The following CNNM2 variants were observed in gnomAD, a reference collection of about 807,000 sequenced individuals.
CNNM2 encodes metal transporter CNNM2.
In CNNM2, 12 loss-of-function variants were observed where a neutral mutation model predicts 66.9. The observed-to-expected ratio is 0.18, with a 90% confidence interval of 0.11 to 0.29. The LOEUF is 0.29. Ranked by LOEUF, CNNM2 falls within the 10% of genes least tolerant of loss-of-function variation. The pLI is 1.00. For synonymous variants in CNNM2, 557 were observed against 501.8 expected, an observed-to-expected ratio of 1.11 and a Z score of -1.47; for missense variants, 705 against 1,167.7, an observed-to-expected ratio of 0.60 and a Z score of 5.77.
chr10:102,999,898 A>G (rs1456373580), intron 1 of CNNM2, among the ~76,000 whole-genome samples: 1 of 152,168 alleles, frequency 6.6e-6, no homozygotes, highest in Middle Eastern at 3.2e-3. Flanking sequence ...AGTGTTGGCA[A>G]AGATGTGGGG....
In CNNM2 at chr10:102,960,783, CT is replaced by C. The variant is rs1183182236; in HGVS notation, c.1621+40703del. 0.2 allele frequency among the ~76,000 whole-genome samples: 19,494 copies of C among 97,832 alleles called. 1,271 individuals carry two copies. Among genetic ancestry groups the C allele is most frequent in the East Asian group, 0.26 (873 of 3,302 alleles). 64.2% of individuals were successfully genotyped at this position (97,832 alleles called of 152,430 possible). A position where few individuals can be genotyped will look rare whatever the true frequency, so the allele number is the denominator to read the frequency against. On this transcript the variant is annotated intron_variant, in intron 1 of 7. Coordinates refer to ENST00000369878, the MANE Select transcript of CNNM2 (RefSeq NM_017649.5). The stretch of plus-strand genomic sequence containing the variant: ...TGTAGGTATGTGCCACCATACCTGG[CT>C]TTTTTTTTTTTTTTTTTTTTGAGAT...
chr10:103,071,444 C>T (rs1300791898), intron 5 of CNNM2, among the ~76,000 whole-genome samples: 1 of 152,146 alleles, frequency 6.6e-6, no homozygotes, highest in African/African-American at 2.4e-5. Context: ...TAATCGAGCT[C>T]CCCTTTTGCG....
At chr10:103,013,138 A>G (rs1166302707) in intron 1 of CNNM2, among the ~76,000 whole-genome samples, 1 of 152,142 alleles carries the variant, frequency 6.6e-6, no homozygotes, top group East Asian at 1.9e-4. Context: ...AATCTTTGAT[A>G]TTTAATATTT....
chr10:102,927,154 C>T, intron 1 of CNNM2, among the ~76,000 whole-genome samples: 1 of 152,076 alleles, frequency 6.6e-6, no homozygotes, highest in Non-Finnish European at 1.5e-5. Context: ...ATATATTTTT[C>T]AAATGAGCCC....
chr10:102,918,530 A>G lies in CNNM2; in HGVS notation c.50A>G (p.Gln17Arg). 1.2e-6 allele frequency: 2 copies of G among 1,603,954 alleles called. No individual in the cohort carries two copies. Among genetic ancestry groups the G allele is most frequent in the Non-Finnish European group, 8.5e-7 (1 of 1,177,326 alleles). ...CCCAAAGTAAAGATGGCGGGCGGGCAGGCAGCCGCCGCACTGCCCACTTGG... is the reference window on the plus strand; with the variant it reads ...CCCAAAGTAAAGATGGCGGGCGGGCGGGCAGCCGCCGCACTGCCCACTTGG... ...CEPKVKMAGGQAAAALPTWKM... is the reference protein window; with the variant it reads ...CEPKVKMAGGRAAAALPTWKM... Residue 17 changes from glutamine (Q) to arginine (R), a missense_variant, in exon 1 of 8, where the codon CAG (glutamine) becomes CGG (arginine). Gln to Arg is a conservative substitution (Grantham distance 43, BLOSUM62 1). Around this residue, in one of 9 missense-constraint regions of CNNM2, gnomAD observed 98 missense variants for 73.6 expected, o/e 1.33. Coordinates refer to ENST00000369878, the MANE Select transcript of CNNM2 (RefSeq NM_017649.5). This position sits in a 1 kb window ranked among gnomAD's most constrained non-coding sequence, Gnocchi z 4.1.
At chr10:103,036,860 A>C (rs962104966) in intron 1 of CNNM2, among the ~76,000 whole-genome samples, 1 of 152,228 alleles carries the variant, frequency 6.6e-6, no homozygotes, top group Non-Finnish European at 1.5e-5. Context: ...TTTACCAAGG[A>C]AACTATTAAA....
At chr10:103,043,678 T>C (rs567045306) in intron 1 of CNNM2, among the ~76,000 whole-genome samples, 1 of 152,344 alleles carries the variant, frequency 6.6e-6, no homozygotes, top group South Asian at 2.1e-4. Flanking sequence ...CTACCTTGTA[T>C]AGATGATTTT....
At chr10:102,998,721 T>C (rs1218651331) in intron 1 of CNNM2, among the ~76,000 whole-genome samples, 1 of 152,114 alleles carries the variant, frequency 6.6e-6, no homozygotes, top group Non-Finnish European at 1.5e-5. Context: ...CTCACGCCTG[T>C]AATCCCAGCT....
chr10:102,971,498 A>G (rs996678352), intron 1 of CNNM2, among the ~76,000 whole-genome samples: 1 of 152,180 alleles, frequency 6.6e-6, no homozygotes, highest in South Asian at 2.1e-4. Context: ...TGTCGCCATT[A>G]TTAGGAATTT....
intron 1 of CNNM2, among the ~76,000 whole-genome samples, chr10:102,994,226 C>T (rs372542559): frequency 3.8e-4 from 58 of 152,298 alleles, no homozygotes; most frequent in African/African-American, 1.2e-3. Flanking sequence ...CGTGAGCTAC[C>T]GCACCCGGCT....
At chr10:102,962,222 T>G (rs2063393649) in intron 1 of CNNM2, among the ~76,000 whole-genome samples, 1 of 152,148 alleles carries the variant, frequency 6.6e-6, no homozygotes, top group Non-Finnish European at 1.5e-5. Context: ...CATGCGGGGC[T>G]TAATATCTAA....
Position 103,023,848 on chromosome 10 carries a change from C to A in CNNM2, c.1622-25859C>A, listed in dbSNP as rs78064113. On this transcript the variant is annotated intron_variant, in intron 1 of 7. Coordinates refer to ENST00000369878, the MANE Select transcript of CNNM2 (RefSeq NM_017649.5). ...AACTTGTTTTGATTATAAAAATGTG[C>A]AAAAATGTAAAAATTGAGACTAGTA... is the stretch of plus-strand genomic sequence containing the variant. 8.5e-3 allele frequency among the ~76,000 whole-genome samples: 1,298 copies of A among 152,118 alleles called. 9 individuals carry two copies. The highest frequency in any genetic ancestry group is 0.016 in the Non-Finnish European group (1,094 of 67,982).
At chr10:102,948,677 G>A (rs1239968012) in intron 1 of CNNM2, among the ~76,000 whole-genome samples, 1 of 152,178 alleles carries the variant, frequency 6.6e-6, no homozygotes, top group Non-Finnish European at 1.5e-5. Flanking sequence ...CATTATTAGA[G>A]TTGCATTTTC....
intron 1 of CNNM2, among the ~76,000 whole-genome samples, chr10:102,926,028 A>G (rs771026363): frequency 6.6e-6 from 1 of 152,202 alleles, no homozygotes; most frequent in Non-Finnish European, 1.5e-5. Context: ...TGTGAGAGTA[A>G]TGATGATTGG....
intron 1 of CNNM2, among the ~76,000 whole-genome samples, chr10:102,992,241 G>A: frequency 6.7e-6 from 1 of 149,226 alleles, no homozygotes; most frequent in Non-Finnish European, 1.5e-5. Flanking sequence ...TGTAGTGGGG[G>A]CAGCCTTTTA....
At chr10:102,941,238 G>A (rs1247202251) in intron 1 of CNNM2, among the ~76,000 whole-genome samples, 1 of 151,428 alleles carries the variant, frequency 6.6e-6, no homozygotes, top group Non-Finnish European at 1.5e-5. Context: ...TATAATTACA[G>A]TAATATGATA....
intron 1 of CNNM2, among the ~76,000 whole-genome samples, chr10:102,932,916 C>CAAA (rs71019636): frequency 4.2e-5 from 3 of 70,666 alleles, no homozygotes; most frequent in African/African-American, 5.8e-5. Flanking sequence ...GACTCTGTCT[C>CAAA]AAAAAAAAAA....
chr10:103,032,449 T>C (rs1265656612), intron 1 of CNNM2, among the ~76,000 whole-genome samples: 2 of 151,762 alleles, frequency 1.3e-5, no homozygotes, highest in African/African-American at 4.8e-5. Flanking sequence ...AGACTCCATC[T>C]CAAAAAGAAA....
chr10:103,033,980 A>G (rs917983413), intron 1 of CNNM2, among the ~76,000 whole-genome samples: 1 of 152,150 alleles, frequency 6.6e-6, no homozygotes, highest in Admixed American at 6.5e-5. Context: ...TTTTAGGACA[A>G]TGAGGAAGAC....
Sources: allele counts gnomAD v4.1 joint callset (sites outside exome capture counted in the v4.1 genomes callset), GRCh38; gene constraint gnomAD v4.1.1; regional missense constraint gnomAD v4.1.1; non-coding constraint Gnocchi (gnomAD v3.1); transcripts MANE v1.5; gene names NCBI Gene and HGNC (gene_info 2026-07-23, HGNC 2026-07-21).